The following TSPEAR variants were observed in gnomAD, a reference collection of about 807,000 sequenced individuals.
TSPEAR encodes the protein thrombospondin-type laminin G domain and EAR repeat-containing protein.
In TSPEAR, 69 loss-of-function variants were observed where a neutral mutation model predicts 71.6. The observed-to-expected ratio is 0.96, with a 90% CI of 0.79 to 1.18. The LOEUF is 1.18. Ranked by LOEUF, TSPEAR falls within the 50% of genes most tolerant of loss-of-function variation. TSPEAR has a pLI of 0.00. For missense variants in TSPEAR, 971 were observed against 894.9 expected, an observed-to-expected ratio of 1.09 and a Z score of -1.09; for synonymous variants, 402 against 387.2, an observed-to-expected ratio of 1.04 and a Z score of -0.45.
chr21:44,526,189 C>G (rs2052851230), intron 7 of TSPEAR, among the ~76,000 whole-genome samples: 1 of 152,200 alleles, frequency 6.6e-6, no homozygotes, highest in Admixed American at 6.5e-5. Flanking sequence ...CGCATCACAA[C>G]CTGCTCTCCT....
Position 44,574,212 on chromosome 21 carries a change from C to A in TSPEAR, c.83-6207G>T, listed in dbSNP as rs782558534. 3 of 1,604,768 alleles carry A rather than the reference C, an allele frequency of 1.9e-6. No homozygotes were observed. In the Admixed American group the frequency reaches 5.1e-5, roughly 27 times the overall value. The stretch of plus-strand genomic sequence containing the variant: ...AGCTTGCTGCACCTCCTCCCCCTGC[C>A]AGCAGGCCTGCTGTGTGCCCATCTG... On this transcript the variant is annotated intron_variant, in intron 1 of 11. Coordinates refer to ENST00000323084, the MANE Select transcript of TSPEAR (RefSeq NM_144991.3).
At chr21:44,634,007 G>C (rs1601510654) in intron 1 of TSPEAR, among the ~76,000 whole-genome samples, 1 of 152,132 alleles carries the variant, frequency 6.6e-6, no homozygotes, top group Admixed American at 6.5e-5. Context: ...CTACTCAGGA[G>C]GTTGAGATGA....
chr21:44,527,327 C>G lies in TSPEAR; in HGVS notation c.1114G>C (p.Ala372Pro), dbSNP rs2052877242. ...VSYQNIPTHQ[A>P]QAWRHFTIGK... ...ATGGTGAAATGCCTCCAGGCCTGTG[C>G]TTGGTGCGTGGGGATGTTCTGATAT... Residue 372 changes from alanine (A) to proline (P), a missense_variant, in exon 7 of 12, where the codon GCA becomes CCA. Physicochemically the swap from Ala to Pro is conservative, Grantham distance 27. Coordinates refer to ENST00000323084, the MANE Select transcript of TSPEAR (RefSeq NM_144991.3). 2 of 1,614,186 alleles carry G rather than the reference C, an allele frequency of 1.2e-6. No individual in the cohort carries two copies. The highest frequency in any genetic ancestry group is 1.1e-5 in the South Asian group (1 of 91,086).
At chr21:44,581,342 A>C (rs1308293449) in intron 1 of TSPEAR, among the ~76,000 whole-genome samples, 1 of 152,246 alleles carries the variant, frequency 6.6e-6, no homozygotes, top group Non-Finnish European at 1.5e-5. Context: ...AAATGTACTC[A>C]ACTTTACCCT....
At chr21:44,581,683 A>G (rs1329827835) in intron 1 of TSPEAR, among the ~76,000 whole-genome samples, 3 of 956 alleles carry the variant, frequency 3.1e-3, no homozygotes, top group Non-Finnish European at 0.017. Flanking sequence ...CGCTCTTAAA[A>G]ATAACTCATC....
Position 44,539,151 on chromosome 21 carries a change from G to A in TSPEAR, c.304-5228C>T, listed in dbSNP as rs1323474225. On this transcript the variant is annotated intron_variant, in intron 2 of 11. Transcript: ENST00000323084. Reference sequence around the variant, plus strand: ...GGGAGCTGCAAGGATGGAGGCTCCTGGGAGCAAGGAGGGGGGGTCACCTCA... The same window carrying A: ...GGGAGCTGCAAGGATGGAGGCTCCTAGGAGCAAGGAGGGGGGGTCACCTCA... 7.4e-6 allele frequency: 10 copies of A among 1,344,646 alleles called. No individual in the cohort carries two copies. The Admixed American group carries it at 2.8e-4, about 38-fold the overall frequency. The allele number at this position is 1,344,646 out of a possible 1,614,324, so 83.3% of individuals were successfully genotyped here.
At chr21:44,538,422 GCC>G (rs57097547) in intron 2 of TSPEAR, among the ~76,000 whole-genome samples, 34,712 of 113,174 alleles carry the variant, frequency 0.31, 5,025 homozygotes, top group East Asian at 0.4. Context: ...GGAAACTGCT[GCC>G]CCCCCCCCCC....
At chr21:44,699,377 CAAAAAAAAA>C (rs55846070) in intron 1 of TSPEAR, among the ~76,000 whole-genome samples, 1 of 65,414 alleles carries the variant, frequency 1.5e-5, no homozygotes, top group South Asian at 6.9e-4. Flanking sequence ...GACACTGTCT[CAAAAAAAAA>C]AAAAAAAAAA....
intron 2 of TSPEAR, chr21:44,550,997 G>C: frequency 6.2e-7 from 1 of 1,612,666 alleles, no homozygotes; most frequent in East Asian, 2.2e-5. Context: ...ACTCAGAGCA[G>C]GTGGGCACGC....
Position 44,646,739 on chromosome 21 carries a change from C to A in TSPEAR, c.82+64694G>T, listed in dbSNP as rs782448305. 4.3e-6 allele frequency: 7 copies of A among 1,613,906 alleles called. No homozygotes were observed. The East Asian group carries it at 1.6e-4, about 36-fold the overall frequency. On this transcript the variant is annotated intron_variant, in intron 1 of 11. Transcript: ENST00000323084. ...CAGCCGGCTTGCTGCACCTCCTCCC[C>A]CTGCCAGCAGGCCTGCTGTGTGCCT... is the stretch of plus-strand genomic sequence containing the variant.
At chr21:44,646,721 CT>C (rs782694985) in intron 1 of TSPEAR, 1 of 1,614,178 alleles carries the variant, frequency 6.2e-7, no homozygotes, top group South Asian at 1.1e-5. Context: ...TGCCAGCCGG[CT>C]TGCTGCACCT....
At chr21:44,502,220 T>C (rs2052045636) in intron 11 of TSPEAR, among the ~76,000 whole-genome samples, 1 of 152,206 alleles carries the variant, frequency 6.6e-6, no homozygotes, top group Non-Finnish European at 1.5e-5. Context: ...CAAACGGCCA[T>C]GCTCAGATGT....
At chr21:44,660,592 T>C (rs933409463) in intron 1 of TSPEAR, among the ~76,000 whole-genome samples, 3 of 152,246 alleles carry the variant, frequency 2.0e-5, no homozygotes, top group Non-Finnish European at 2.9e-5. Flanking sequence ...ACAGCACACG[T>C]GCACTATAAG....
chr21:44,518,767 T>C, intron 9 of TSPEAR: 1 of 455,526 alleles, frequency 2.2e-6, no homozygotes, highest in South Asian at 1.6e-5. Flanking sequence ...CCTTGTGTGA[T>C]AACGTTTCAA....
intron 1 of TSPEAR, among the ~76,000 whole-genome samples, chr21:44,678,523 T>G (rs1986431353): frequency 6.6e-6 from 1 of 152,120 alleles, no homozygotes; most frequent in East Asian, 1.9e-4. Context: ...ATAAGCCAAT[T>G]AAACCTCTTT....
intron 1 of TSPEAR, among the ~76,000 whole-genome samples, chr21:44,584,634 TA>T (rs1228802931): frequency 6.6e-6 from 1 of 152,214 alleles, no homozygotes; most frequent in Non-Finnish European, 1.5e-5. Context: ...CACACACAAT[TA>T]TTCCTGGTTT....
intron 3 of TSPEAR, 128 bp from the exon 4 acceptor site, chr21:44,531,261 G>A: frequency 1.4e-6 from 1 of 699,698 alleles, no homozygotes; most frequent in Non-Finnish European, 2.4e-6. Context: ...CACAAAGGAT[G>A]GCACACAGGG....
At chr21:44,698,467 A>T (rs1435692098) in intron 1 of TSPEAR, among the ~76,000 whole-genome samples, 2 of 152,096 alleles carry the variant, frequency 1.3e-5, no homozygotes, top group Non-Finnish European at 2.9e-5. Flanking sequence ...GGGTCAACGG[A>T]GCGGCCGTCC....
rs782000145 is a variant in TSPEAR, at chr21:44,612,351, G to T, written c.83-44346C>A. ...TGTGCCCCAGTGAGCTGTGAGCCCA[G>T]CCCCTGCCAATCAGGCTGCACCGAC... is the stretch of plus-strand genomic sequence containing the variant. On this transcript the variant is annotated intron_variant, in intron 1 of 11. Coordinates refer to ENST00000323084, the MANE Select transcript of TSPEAR (RefSeq NM_144991.3). This position sits in a 1 kb window ranked among gnomAD's most constrained non-coding sequence, Gnocchi z 4.1. 1.1e-5 allele frequency: 17 copies of T among 1,613,840 alleles called. No homozygotes were observed. The highest frequency in any genetic ancestry group is 1.4e-5 in the Non-Finnish European group (17 of 1,180,004).
Sources: allele counts gnomAD v4.1 joint callset (sites outside exome capture counted in the v4.1 genomes callset), GRCh38; gene constraint gnomAD v4.1.1; non-coding constraint Gnocchi (gnomAD v3.1); transcripts MANE v1.5; gene names NCBI Gene and HGNC (gene_info 2026-07-23, HGNC 2026-07-21).